TRAP1: variants seen among roughly 807,000 people sequenced by gnomAD.
TRAP1 encodes the protein TNF receptor associated protein 1.
TRAP1 carries 102 observed loss-of-function variants against 89.1 expected under a neutral mutation model. That is an observed-to-expected ratio of 1.15 (90% CI 0.98 to 1.35). The LOEUF is 1.35. TRAP1 is among the 40% of genes most tolerant of loss of function. TRAP1 has a pLI of 0.00. For missense variants in TRAP1, 1,256 were observed against 945.3 expected (o/e 1.33, Z -4.31); for synonymous variants, 508 against 388.0 (o/e 1.31, Z -3.64).
intron 1 of TRAP1, among the ~76,000 whole-genome samples, chr16:3,691,791 T>G (rs952687930): frequency 7.2e-5 from 11 of 152,142 alleles, no homozygotes; most frequent in South Asian, 2.1e-4. Context: ...TAAAAAAAAT[T>G]TGTGTACTTT....
At chr16:3,712,938 T>C (rs2051551342) in intron 1 of TRAP1, among the ~76,000 whole-genome samples, 1 of 152,162 alleles carries the variant, frequency 6.6e-6, no homozygotes, top group African/African-American at 2.4e-5. Context: ...TTTCAGGCAC[T>C]CAGATAACTC....
chr16:3,661,973 G>A lies in TRAP1; in HGVS notation c.1940+14C>T. 1 of 1,590,952 alleles carries A rather than the reference G, an allele frequency of 6.3e-7. No individual in the cohort carries two copies. Among genetic ancestry groups the A allele is most frequent in the Non-Finnish European group, 8.6e-7 (1 of 1,166,556 alleles). ...GAATCCCACAGGCTGGAAGAGCCAGGAGCGTGGCCTCACCTGGGGTTGATC... is the reference window on the plus strand; with the variant it reads ...GAATCCCACAGGCTGGAAGAGCCAGAAGCGTGGCCTCACCTGGGGTTGATC... On this transcript the variant is annotated intron_variant, in intron 16 of 17. Coordinates refer to ENST00000246957, the MANE Select transcript of TRAP1 (RefSeq NM_016292.3).
intron 1 of TRAP1, among the ~76,000 whole-genome samples, chr16:3,707,910 C>CG (rs2051472596): frequency 6.6e-6 from 1 of 150,496 alleles, no homozygotes; most frequent in Non-Finnish European, 1.5e-5. Context: ...GGGGGCCAGG[C>CG]ACGACGGCTC....
chr16:3,674,790 G>A (rs973907687), intron 8 of TRAP1: 27 of 472,166 alleles, frequency 5.7e-5, no homozygotes, highest in African/African-American at 9.8e-5. Flanking sequence ...GCGAGCTGAC[G>A]AATACAGTGT....
In TRAP1 at chr16:3,698,880, T is replaced by C. The variant is rs376967124; in HGVS notation, c.89-7895A>G. ...CAGGGTGGGAGATGCAGCCAGGCCC[T>C]GTCTCAAAAAAAAAATTAAAAATTA... On this transcript the variant is annotated intron_variant, in intron 1 of 17. Transcript: ENST00000246957. Among the ~76,000 whole-genome samples, 4 of 151,390 alleles carry C rather than the reference T, an allele frequency of 2.6e-5. No homozygotes were observed. The South Asian group carries it at 8.4e-4, about 32-fold the overall frequency.
intron 9 of TRAP1, 86 bp from the exon 10 acceptor site, chr16:3,672,906 T>C: frequency 2.0e-6 from 3 of 1,495,754 alleles, no homozygotes; most frequent in Admixed American, 4.4e-5. Flanking sequence ...ACACGATGAA[T>C]CCAGAGCCCA....
Position 3,709,455 on chromosome 16 carries a change from G to A in TRAP1, c.88+7966C>T, listed in dbSNP as rs2051497035. Reference sequence around the variant, plus strand: ...GAAGGTGTGAGAAACTGTTGGCAATGCCGTCTGTTATCTTGGGGAAACTCA... The same window carrying A: ...GAAGGTGTGAGAAACTGTTGGCAATACCGTCTGTTATCTTGGGGAAACTCA... On this transcript the variant is annotated intron_variant, in intron 1 of 17. Coordinates refer to ENST00000246957, the MANE Select transcript of TRAP1 (RefSeq NM_016292.3). Among the ~76,000 whole-genome samples the A allele has an allele frequency of 2.0e-5, 3 of 152,158 alleles. No homozygotes were observed. In the South Asian group the frequency reaches 6.2e-4, roughly 31 times the overall value.
At position 3,708,961 on chromosome 16, in the gene TRAP1, G is replaced by A. The variant is rs1032492026; in HGVS notation, c.88+8460C>T. On this transcript the variant is annotated intron_variant, in intron 1 of 17. Transcript: ENST00000246957. ...TTCCCAAGTAGCTGGGACTACAGGCGCCCGCCACCATGCCCAGATAATTTT... is the reference window on the plus strand; with the variant it reads ...TTCCCAAGTAGCTGGGACTACAGGCACCCGCCACCATGCCCAGATAATTTT... 2.6e-5 allele frequency among the ~76,000 whole-genome samples: 4 copies of A among 151,448 alleles called. No homozygotes were observed. In the East Asian group the frequency reaches 8.0e-4, roughly 30 times the overall value.
At chr16:3,660,629 G>C (rs1275655849) in intron 16 of TRAP1, 1 of 152,246 alleles carries the variant, frequency 6.6e-6, no homozygotes, top group African/African-American at 2.4e-5. Context: ...GCTGTGCACT[G>C]ACAGCCATAA....
intron 1 of TRAP1, among the ~76,000 whole-genome samples, chr16:3,714,081 C>A (rs1057185278): frequency 2.0e-5 from 3 of 152,184 alleles, no homozygotes; most frequent in Admixed American, 6.5e-5. Flanking sequence ...GAACGTTCCT[C>A]CCTCCCCTCC....
intron 1 of TRAP1, among the ~76,000 whole-genome samples, chr16:3,710,809 G>C (rs774769781): frequency 5.3e-5 from 8 of 150,440 alleles, no homozygotes; most frequent in African/African-American, 1.5e-4. Context: ...TCTTAATATG[G>C]CATTTAATTT....
chr16:3,671,851 C>T (rs1040713429), intron 10 of TRAP1, 60 bp from the exon 11 acceptor site: 4 of 1,540,108 alleles, frequency 2.6e-6, no homozygotes, highest in African/African-American at 2.7e-5. Flanking sequence ...ACCCAACATT[C>T]CCCATTAACC....
intron 1 of TRAP1, among the ~76,000 whole-genome samples, chr16:3,693,168 C>G (rs1218314603): frequency 1.3e-5 from 2 of 151,846 alleles, no homozygotes; most frequent in African/African-American, 2.4e-5. Flanking sequence ...AGGCTGCTCT[C>G]GAACTATTGA....
rs778018025 is a variant in TRAP1 at position 3,671,792 on chromosome 16, C to G, written c.1166-1G>C. 12 of 1,611,854 alleles carry G rather than the reference C, an allele frequency of 7.4e-6. 1 individual carries two copies. In the South Asian group the frequency reaches 1.3e-4, roughly 18 times the overall value. ...GGAATGTCCTCACTGTCCACCACAC[C>G]TGGGAGACACGGCAGTCAGCTTCTC... On this transcript the variant is annotated splice_acceptor_variant, in intron 10 of 17. Transcript: ENST00000246957. LOFTEE classifies it high-confidence loss of function.
intron 1 of TRAP1, among the ~76,000 whole-genome samples, chr16:3,695,478 G>A (rs113332083): frequency 0.04 from 6,066 of 150,636 alleles, 398 homozygotes; most frequent in African/African-American, 0.14. Flanking sequence ...GGAGGTTGCA[G>A]TGAGCCGAGG....
intron 1 of TRAP1, among the ~76,000 whole-genome samples, chr16:3,705,644 A>G (rs551689456): frequency 6.6e-6 from 1 of 152,086 alleles, no homozygotes; most frequent in Non-Finnish European, 1.5e-5. Flanking sequence ...TGTATAGATT[A>G]TTTTTTTCCA....
intron 4 of TRAP1, among the ~76,000 whole-genome samples, chr16:3,681,229 T>C (rs2051069654): frequency 1.3e-5 from 2 of 152,166 alleles, no homozygotes; most frequent in Non-Finnish European, 2.9e-5. Flanking sequence ...CTGAACTTCC[T>C]TCTAGGAAGT....
intron 16 of TRAP1, chr16:3,659,915 A>G (rs2042973728): frequency 6.6e-6 from 1 of 151,960 alleles, no homozygotes; most frequent in Non-Finnish European, 1.5e-5. Flanking sequence ...ACCCCCAGCT[A>G]GTTTTTGTAT....
At chr16:3,674,690 C>G (rs1596713105) in intron 8 of TRAP1, 196 bp from the exon 9 acceptor site, 1 of 645,564 alleles carries the variant, frequency 1.5e-6, no homozygotes, top group East Asian at 2.8e-5. Context: ...ACACAAGGCT[C>G]TGGGGCAGGA....
Sources: allele counts gnomAD v4.1 joint callset (sites outside exome capture counted in the v4.1 genomes callset), GRCh38; gene constraint gnomAD v4.1.1; transcripts MANE v1.5; gene names NCBI Gene and HGNC (gene_info 2026-07-23, HGNC 2026-07-21).